Variants in EPC1 observed in about 807,000 individuals in gnomAD.
The protein encoded by EPC1 is enhancer of polycomb 1.
Under a neutral mutation model 98.4 loss-of-function variants are expected in EPC1, and 12 were observed. The observed-to-expected ratio is 0.12, with a 90% confidence interval of 0.08 to 0.20. The LOEUF (loss-of-function observed/expected upper bound fraction) is 0.20, where lower values mean the gene tolerates loss of function less well. Among genes scored for constraint, EPC1 ranks in the 10% least tolerant of loss-of-function variants. The pLI, the probability that EPC1 is intolerant of heterozygous loss-of-function variation, is 1.00. For missense variants in EPC1, 729 were observed against 990.5 expected, an observed-to-expected ratio of 0.74 and a Z score of 3.54; for synonymous variants, 357 against 363.9, an observed-to-expected ratio of 0.98 and a Z score of 0.21.
chr10:32,304,914 G>A (rs1383473621), intron 2 of EPC1, among the ~76,000 whole-genome samples: 2 of 77,634 alleles, frequency 2.6e-5, no homozygotes, highest in African/African-American at 9.3e-5. Context: ...GTGAAACTCC[G>A]TCTTAAAAAA....
chr10:32,326,433 G>T (rs1478670802), intron 1 of EPC1, among the ~76,000 whole-genome samples: 1 of 152,068 alleles, frequency 6.6e-6, no homozygotes, highest in Non-Finnish European at 1.5e-5. Flanking sequence ...TGCTGATCCA[G>T]GACAATGATC....
At chr10:32,377,146 C>T (rs983101669) in intron 1 of EPC1, 1 of 152,070 alleles carries the variant, frequency 6.6e-6, no homozygotes, top group Non-Finnish European at 1.5e-5. Flanking sequence ...TGCACATATT[C>T]TTAAAAAATT....
chr10:32,361,741 G>T (rs1839450062), intron 1 of EPC1, among the ~76,000 whole-genome samples: 1 of 152,206 alleles, frequency 6.6e-6, no homozygotes, highest in Admixed American at 6.5e-5. Flanking sequence ...AATGTCAGAG[G>T]TGTTTGAACC....
Position 32,305,747 on chromosome 10 carries a change from A to C in EPC1, c.313+25T>G, listed in dbSNP as rs750335732. On this transcript the variant is annotated intron_variant, in intron 2 of 13. Transcript: ENST00000319778. ...ATAATAAGAGAAATATAGAAAATAC[A>C]ATCATTAAGAGAATCATTACTTACG... 23 of 1,539,830 alleles carry C rather than the reference A, an allele frequency of 1.5e-5. No individual in the cohort carries two copies. In the African/African-American group the frequency reaches 3.2e-4, roughly 22 times the overall value.
At chr10:32,299,152 T>C (rs1464350629) in intron 2 of EPC1, among the ~76,000 whole-genome samples, 1 of 152,158 alleles carries the variant, frequency 6.6e-6, no homozygotes, top group Non-Finnish European at 1.5e-5. Flanking sequence ...TTCGAAGCCA[T>C]AGGAGGGTAC....
At chr10:32,367,970 C>T (rs1311548402) in intron 1 of EPC1, among the ~76,000 whole-genome samples, 2 of 152,156 alleles carry the variant, frequency 1.3e-5, no homozygotes, top group Non-Finnish European at 2.9e-5. Context: ...ATGTCTTCTG[C>T]GTCTTTCAAC....
At position 32,287,293 on chromosome 10, in the gene EPC1, T is replaced by G. The variant is rs1312271130; in HGVS notation, c.976-19A>C. The G allele has an allele frequency of 6.2e-7, 1 of 1,612,482 alleles. No individual in the cohort carries two copies. Among genetic ancestry groups the G allele is most frequent in the Non-Finnish European group, 8.5e-7 (1 of 1,179,398 alleles). ...TATCTTGCTGCAACAAAGACATGAA[T>G]TAATTATACACCAGAAACCATGTTC... On this transcript the variant is annotated intron_variant, in intron 6 of 13. Coordinates refer to ENST00000319778, the MANE Select transcript of EPC1 (RefSeq NM_001272004.3).
rs758277141 is a variant in EPC1 at position 32,287,015 on chromosome 10, C to T, written c.1153G>A (p.Val385Ile). Residue 385 changes from valine (V) to isoleucine (I), a missense_variant and splice_region_variant, in exon 8 of 14, where the codon GTT becomes ATT. By Grantham distance (29) the Val-to-Ile change is conservative. Around this residue, in one of 6 missense-constraint regions of EPC1, gnomAD observed 390 missense variants for 438.6 expected, o/e 0.89. Transcript: ENST00000319778. ...PSSDEEPLSQ[V>I]LSGSSEAEED... ...TCAGCTTCCGAAGAGCCAGACAAAACCTTTAAATGAAATAAAGAAAGTAGG... is the reference window on the plus strand; with the variant it reads ...TCAGCTTCCGAAGAGCCAGACAAAATCTTTAAATGAAATAAAGAAAGTAGG... 3 of 1,613,806 alleles carry T rather than the reference C, an allele frequency of 1.9e-6. No individual in the cohort carries two copies. The highest frequency in any genetic ancestry group is 2.7e-5 in the African/African-American group (2 of 74,898).
At chr10:32,297,281 T>TA (rs1835224569) in intron 2 of EPC1, among the ~76,000 whole-genome samples, 1 of 107,936 alleles carries the variant, frequency 9.3e-6, no homozygotes, top group African/African-American at 3.0e-5. Flanking sequence ...GGTTAATAAT[T>TA]CTTTTTTTTT....
Position 32,278,976 on chromosome 10 carries a change from A to G in EPC1, c.1745-5695T>C, listed in dbSNP as rs141820464. Among the ~76,000 whole-genome samples, 108 of 152,316 alleles carry G rather than the reference A, an allele frequency of 7.1e-4. 4 individuals carry two copies. In the East Asian group the frequency reaches 0.019, roughly 27 times the overall value. On this transcript the variant is annotated intron_variant, in intron 10 of 13. Coordinates refer to ENST00000319778, the MANE Select transcript of EPC1 (RefSeq NM_001272004.3). ...TTCTTGCATTTTATTATATGACTATAGAACTATTAATGTATTTTACTACAG... is the reference window on the plus strand; with the variant it reads ...TTCTTGCATTTTATTATATGACTATGGAACTATTAATGTATTTTACTACAG...
chr10:32,309,962 AG>A (rs1249196176), intron 1 of EPC1, among the ~76,000 whole-genome samples: 2 of 151,910 alleles, frequency 1.3e-5, no homozygotes, highest in African/African-American at 4.8e-5. Context: ...TGGGAGGCCA[AG>A]GAGGGTATAT....
intron 1 of EPC1, among the ~76,000 whole-genome samples, chr10:32,359,690 A>G (rs1388189893): frequency 2.0e-5 from 3 of 152,212 alleles, no homozygotes; most frequent in African/African-American, 4.8e-5. Flanking sequence ...TTTCATATGT[A>G]CAGTATACAA....
chr10:32,318,307 G>GT (rs1026790927), intron 1 of EPC1, among the ~76,000 whole-genome samples: 3 of 152,012 alleles, frequency 2.0e-5, no homozygotes, highest in African/African-American at 4.8e-5. Context: ...AAATGTGTCT[G>GT]TTTTTTTCTA....
intron 1 of EPC1, among the ~76,000 whole-genome samples, chr10:32,310,917 T>G (rs1005605968): frequency 2.2e-4 from 33 of 151,762 alleles, no homozygotes; most frequent in Non-Finnish European, 4.0e-4. Flanking sequence ...TCTTTAACAG[T>G]CAAGAAAACA....
At position 32,312,786 on chromosome 10, in the gene EPC1, A is replaced by G. The variant is rs570057315; in HGVS notation, c.154-6855T>C. Among the ~76,000 whole-genome samples the G allele has an allele frequency of 3.9e-5, 6 of 152,348 alleles. No homozygotes were observed. The South Asian group carries it at 1.2e-3, about 32-fold the overall frequency. On this transcript the variant is annotated intron_variant, in intron 1 of 13. Transcript: ENST00000319778. ...ATTTTTAAAACTCAAAGCTATATAC[A>G]CTATTTTCATAAAATAACATTAAAT...
rs367758288 is a variant in EPC1 at position 32,292,668 on chromosome 10, T to C, written c.667-24A>G. The C allele has an allele frequency of 4.5e-5, 72 of 1,593,590 alleles. 1 individual carries two copies. The highest frequency in any genetic ancestry group is 3.5e-4 in the Middle Eastern group (2 of 5,642). ...TTCTGCAAATGTGAAGTTGCTTGTT[T>C]AATGTTAGTAAGTATTTCTAACTAG... On this transcript the variant is annotated intron_variant, in intron 4 of 13. Transcript: ENST00000319778.
chr10:32,322,310 C>T (rs2132914272), intron 1 of EPC1, among the ~76,000 whole-genome samples: 1 of 151,964 alleles, frequency 6.6e-6, no homozygotes, highest in South Asian at 2.1e-4. Flanking sequence ...TTTACTATAC[C>T]ATATATGGAA....
chr10:32,346,077 G>A (rs988970538), intron 1 of EPC1, among the ~76,000 whole-genome samples: 3 of 152,174 alleles, frequency 2.0e-5, no homozygotes, highest in African/African-American at 7.2e-5. Flanking sequence ...CCAGAAAGAG[G>A]ACACTGAAAG....
intron 2 of EPC1, among the ~76,000 whole-genome samples, chr10:32,302,470 A>C (rs1246608283): frequency 6.6e-6 from 1 of 151,478 alleles, no homozygotes; most frequent in Non-Finnish European, 1.5e-5. Flanking sequence ...CAACTTGGGG[A>C]GACCCCATCT....
Sources: gnomAD v4.1 joint callset for allele counts (sites outside exome capture counted in the v4.1 genomes callset) on GRCh38, gnomAD v4.1.1 for gene constraint, gnomAD v4.1.1 regional missense constraint, MANE v1.5 for transcripts, NCBI Gene and HGNC (gene_info 2026-07-23, HGNC 2026-07-21) for gene names.